Variants in SPATA22 observed in about 807,000 individuals in gnomAD.
SPATA22 encodes spermatogenesis-associated protein 22.
A neutral mutation model predicts 47.8 loss-of-function variants in SPATA22; 29 were observed. The ratio of observed to expected loss-of-function variants is 0.61; its 90% CI spans 0.45 to 0.83. SPATA22 has a LOEUF of 0.83. Among genes scored for constraint, SPATA22 ranks in the 40% least tolerant of loss-of-function variants. SPATA22 has a pLI of 0.00. For synonymous variants in SPATA22, 133 were observed against 140.9 expected (o/e 0.94, Z 0.40); for missense variants, 410 against 421.7 (o/e 0.97, Z 0.24).
chr17:3,454,623 A>G (rs2072942402), intron 5 of SPATA22, among the ~76,000 whole-genome samples: 1 of 152,096 alleles, frequency 6.6e-6, no homozygotes, highest in African/African-American at 2.4e-5. Context: ...TACAAAGGAC[A>G]TGAACTCATC....
upstream of SPATA22, chr17:3,476,195 A>G (rs2150741671): frequency 1.2e-6 from 2 of 1,614,084 alleles, no homozygotes; most frequent in Non-Finnish European, 1.7e-6. Context: ...AACATATACA[A>G]AAGGTTGCTA....
At chr17:3,494,597 T>C in intron 1 of SPATA22, 1 of 748,554 alleles carries the variant, frequency 1.3e-6, no homozygotes, top group Non-Finnish European at 2.3e-6. Flanking sequence ...ATAGGGAAGA[T>C]GTTCGGACTG....
chr17:3,469,542 T>A, intron 1 of SPATA22, 144 bp from the exon 2 acceptor site: 3 of 488,210 alleles, frequency 6.1e-6, no homozygotes, highest in Middle Eastern at 7.6e-4. Flanking sequence ...TTCTAAGAGT[T>A]TACACCATAA....
chr17:3,456,153 C>A (rs1052798326), intron 5 of SPATA22, among the ~76,000 whole-genome samples: 1 of 151,960 alleles, frequency 6.6e-6, no homozygotes, highest in South Asian at 2.1e-4. Context: ...AAAGAAAAAG[C>A]GAACACATTC....
rs892972373 is a variant in SPATA22 at position 3,490,540 on chromosome 17, C to T, written c.-73-21142G>A. Among the ~76,000 whole-genome samples, 5 of 152,006 alleles carry T rather than the reference C, an allele frequency of 3.3e-5. No individual in the cohort carries two copies. Among genetic ancestry groups the T allele is most frequent in the Admixed American group, 2.0e-4 (3 of 15,254 alleles). ...GTGAATTCCTCAACCTCAGATCGTG[C>T]GCACCCCACTGCAATCACAGACATT... On this transcript the variant is annotated intron_variant, in intron 1 of 8. Coordinates refer to the SPATA22 transcript ENST00000541913. The surrounding 1 kb of genome is among the most constrained non-coding windows in gnomAD (Gnocchi z 4.6).
chr17:3,472,700 C>T (rs1417558106), upstream of SPATA22, among the ~76,000 whole-genome samples: 1 of 152,200 alleles, frequency 6.6e-6, no homozygotes, highest in Non-Finnish European at 1.5e-5. Context: ...GTTACCGTAT[C>T]TTCTAACCAT....
upstream of SPATA22, chr17:3,476,120 CT>C (rs755568998): frequency 1.1e-5 from 17 of 1,564,988 alleles, no homozygotes; most frequent in Non-Finnish European, 1.4e-5. Flanking sequence ...TTTGATCTCT[CT>C]TCTGAATTGC....
chr17:3,478,825 C>G (rs2073578474), intron 1 of SPATA22, among the ~76,000 whole-genome samples: 1 of 152,142 alleles, frequency 6.6e-6, no homozygotes, highest in Non-Finnish European at 1.5e-5. Context: ...CATTATCCAC[C>G]AAGTCCCCTG....
upstream of SPATA22, among the ~76,000 whole-genome samples, chr17:3,474,527 C>T (rs750250215): frequency 3.3e-5 from 5 of 152,180 alleles, no homozygotes; most frequent in Admixed American, 6.5e-5. Flanking sequence ...ATCTCTACAC[C>T]GTCTGAAGTG....
In SPATA22 at chr17:3,449,038, T is replaced by C. The variant is rs1476391207; in HGVS notation, c.441A>G (p.Pro147=). 6.2e-7 allele frequency: 1 copy of C among 1,614,044 alleles called. No individual in the cohort carries two copies. Among genetic ancestry groups the C allele is most frequent in the South Asian group, 1.1e-5 (1 of 91,076 alleles). ...LVANDGKNSC[P]VSSGAQQQKQ... ...TTTGTTGTTGAGCTCCCGAACTCAC[T>C]GGACAAGAATTTTTTCCATCATTTG... The change falls in exon 6 of 9, where the codon CCA becomes CCG. Residue 147 remains proline, a synonymous_variant. Transcript: ENST00000572969.
chr17:3,468,741 T>A, intron 2 of SPATA22: 1 of 187,006 alleles, frequency 5.3e-6, no homozygotes, highest in Non-Finnish European at 1.0e-5. Flanking sequence ...ATGATTATAA[T>A]AACCTATCTC....
intron 1 of SPATA22, chr17:3,498,842 G>A: frequency 1.4e-6 from 2 of 1,421,022 alleles, no homozygotes; most frequent in Non-Finnish European, 9.3e-7. Context: ...TAAATTTTTA[G>A]AGGAGAAAAA....
intron 1 of SPATA22, among the ~76,000 whole-genome samples, chr17:3,494,076 G>A (rs182476532): frequency 8.4e-5 from 12 of 142,354 alleles, no homozygotes; most frequent in South Asian, 2.2e-4. Flanking sequence ...CACTCTTGTT[G>A]CCCAGGTTGG....
chr17:3,476,230 A>G (rs104894551), upstream of SPATA22: 1 of 1,614,172 alleles, frequency 6.2e-7, no homozygotes, highest in South Asian at 1.1e-5. Context: ...CATGGGAATG[A>G]GCTAACCGGA....
At chr17:3,442,180 A>G (rs953525895) in intron 8 of SPATA22, among the ~76,000 whole-genome samples, 2 of 152,036 alleles carry the variant, frequency 1.3e-5, no homozygotes, top group Admixed American at 6.6e-5. Context: ...TTCAGACTAG[A>G]TAAAAATAAT....
intron 1 of SPATA22, chr17:3,511,266 AT>A (rs2074109527): frequency 6.6e-6 from 1 of 152,230 alleles, no homozygotes; most frequent in African/African-American, 2.4e-5. Context: ...TGACTGCCAA[AT>A]GAGACACCTG....
intron 1 of SPATA22, among the ~76,000 whole-genome samples, chr17:3,469,721 T>C (rs1004062095): frequency 3.9e-5 from 6 of 152,240 alleles, no homozygotes; most frequent in African/African-American, 1.2e-4. Flanking sequence ...GACCACAGCG[T>C]TGGCAAACGT....
intron 5 of SPATA22, among the ~76,000 whole-genome samples, chr17:3,458,993 GACA>G (rs1476278904): frequency 3.3e-5 from 5 of 151,302 alleles, no homozygotes; most frequent in African/African-American, 1.2e-4. Context: ...TGCCATTTTT[GACA>G]ACATGGATGA....
chr17:3,443,536 T>C (rs975208150), intron 7 of SPATA22, among the ~76,000 whole-genome samples: 1 of 152,010 alleles, frequency 6.6e-6, no homozygotes, highest in Non-Finnish European at 1.5e-5. Context: ...TCTGAAACTT[T>C]TTCCTTAGAA....
Sources: gnomAD v4.1 joint callset for allele counts (sites outside exome capture counted in the v4.1 genomes callset) on GRCh38, gnomAD v4.1.1 for gene constraint, Gnocchi (gnomAD v3.1) non-coding constraint, MANE v1.5 for transcripts, NCBI Gene and HGNC (gene_info 2026-07-23, HGNC 2026-07-21) for gene names.